PSD2: variants seen among roughly 807,000 people sequenced by gnomAD.
The protein encoded by PSD2 is PH and SEC7 domain-containing protein 2.
A neutral mutation model predicts 69.8 loss-of-function variants in PSD2; 38 were observed. The ratio of observed to expected loss-of-function variants is 0.54; its 90% CI spans 0.42 to 0.71. The LOEUF (loss-of-function observed/expected upper bound fraction) is 0.71. Ranked by LOEUF, PSD2 falls within the 30% of genes least tolerant of loss-of-function variation. The pLI, the probability that PSD2 is intolerant of heterozygous loss-of-function variation, is 0.00. For missense variants in PSD2, 943 were observed against 1,014.5 expected, an observed-to-expected ratio of 0.93 and a Z score of 0.96; for synonymous variants, 412 against 423.0, an observed-to-expected ratio of 0.97 and a Z score of 0.32.
At chr5:139,831,418 T>C (rs990607624) in intron 7 of PSD2, among the ~76,000 whole-genome samples, 2 of 152,250 alleles carry the variant, frequency 1.3e-5, no homozygotes, top group Non-Finnish European at 2.9e-5. Context: ...AGTTTAAGTA[T>C]ATCAAGTGAC....
the PSD2 span, among the ~76,000 whole-genome samples, chr5:139,787,669 C>A: frequency 0.21 from 31,858 of 152,202 alleles, 3,788 homozygotes; most frequent in African/African-American, 0.31. Flanking sequence ...CGTCGCTGGC[C>A]TTCCCAGGGC....
chr5:139,838,761 C>A lies in PSD2; in HGVS notation c.1957C>A (p.Arg653Ser), dbSNP rs758953794. Residue 653 changes from arginine (R) to serine (S), a missense_variant, in exon 13 of 15, where the codon CGC becomes AGC. Transcript: ENST00000274710. ...GCCCCTGCTGCCCTCCTGCACCACC[C>A]GCCTCTGCCAGGTACATGTTCCTGG... ...CRPLLPSCTT[R>S]LCQEEQLRSH... 12 of 1,612,530 alleles carry A rather than the reference C, an allele frequency of 7.4e-6. No individual in the cohort carries two copies. The highest frequency in any genetic ancestry group is 1.0e-5 in the Non-Finnish European group (12 of 1,179,366).
intron 2 of PSD2, among the ~76,000 whole-genome samples, chr5:139,810,020 G>A (rs1759920359): frequency 6.6e-6 from 1 of 151,996 alleles, no homozygotes; most frequent in South Asian, 2.1e-4. Context: ...GGGGCTGAAA[G>A]TTGTGCCATC....
intron 4 of PSD2, among the ~76,000 whole-genome samples, chr5:139,815,157 T>C (rs1939717579): frequency 1.3e-5 from 2 of 152,190 alleles, no homozygotes. Context: ...GCTCAGGTCC[T>C]GGATCCTCCT....
At chr5:139,830,345 C>CTTTTTTTT (rs755605094) in intron 7 of PSD2, among the ~76,000 whole-genome samples, 1 of 116,550 alleles carries the variant, frequency 8.6e-6, no homozygotes. Context: ...TGATAGTGTT[C>CTTTTTTTT]TTTTTTTTTT....
At chr5:139,834,938 CAT>C (rs142648416) in intron 8 of PSD2, among the ~76,000 whole-genome samples, 11 of 150,148 alleles carry the variant, frequency 7.3e-5, no homozygotes, top group African/African-American at 9.8e-5. Context: ...ACCCATCACC[CAT>C]ATATATATAT....
chr5:139,791,385 A>C (rs553485504), upstream of PSD2, among the ~76,000 whole-genome samples: 1 of 152,248 alleles, frequency 6.6e-6, no homozygotes, highest in South Asian at 2.1e-4. Context: ...ATCTGAGATC[A>C]TGCCACTGCA....
intron 1 of PSD2, among the ~76,000 whole-genome samples, chr5:139,797,747 T>G (rs1391922396): frequency 6.6e-6 from 1 of 152,194 alleles, no homozygotes; most frequent in African/African-American, 2.4e-5. Flanking sequence ...ATTCCCATTT[T>G]GTGGTAGAGC....
chr5:139,836,788 G>A (rs1760730983), intron 9 of PSD2, 23 bp from the exon 10 acceptor site: 1 of 1,606,360 alleles, frequency 6.2e-7, no homozygotes, highest in African/African-American at 1.3e-5. Context: ...TGGAGGTGGT[G>A]CTCAGGCCTA....
At chr5:139,834,803 T>A (rs1405604295) in intron 8 of PSD2, among the ~76,000 whole-genome samples, 1 of 151,938 alleles carries the variant, frequency 6.6e-6, no homozygotes, top group Non-Finnish European at 1.5e-5. Context: ...AGTCCCACTA[T>A]CCACCTATCC....
chr5:139,784,453 T>C, the PSD2 span, among the ~76,000 whole-genome samples: 1 of 152,090 alleles, frequency 6.6e-6, no homozygotes, highest in Non-Finnish European at 1.5e-5. Context: ...CCAATCTATC[T>C]CTAACACAGC....
At chr5:139,782,012 G>A in the PSD2 span, among the ~76,000 whole-genome samples, 1 of 152,156 alleles carries the variant, frequency 6.6e-6, no homozygotes, top group African/African-American at 2.4e-5. Context: ...ACCTGCCCAG[G>A]GGCCCGAGAA....
chr5:139,831,704 T>C (rs963748172), intron 7 of PSD2, among the ~76,000 whole-genome samples: 3 of 152,240 alleles, frequency 2.0e-5, no homozygotes, highest in Non-Finnish European at 2.9e-5. Context: ...ATTATATCTC[T>C]CTATATTTTA....
chr5:139,811,944 A>G (rs1759979189), intron 2 of PSD2, among the ~76,000 whole-genome samples: 1 of 151,902 alleles, frequency 6.6e-6, no homozygotes. Flanking sequence ...GTCCTCTCGT[A>G]TCCCTTTCCT....
At chr5:139,766,928 C>CTTTCTTTCTTT in the PSD2 span, among the ~76,000 whole-genome samples, 63 of 31,240 alleles carry the variant, frequency 2.0e-3, 7 homozygotes, top group South Asian at 4.2e-3. Flanking sequence ...TTCCTTCCTT[C>CTTTCTTTCTTT]CCTTCTTTCT....
At chr5:139,797,231 G>T (rs575394804) in intron 1 of PSD2, among the ~76,000 whole-genome samples, 3 of 152,212 alleles carry the variant, frequency 2.0e-5, no homozygotes, top group Non-Finnish European at 4.4e-5. Context: ...CAATATATGC[G>T]GGAAGCAGGG....
upstream of PSD2, among the ~76,000 whole-genome samples, chr5:139,794,051 A>G (rs567552756): frequency 6.6e-6 from 1 of 152,302 alleles, no homozygotes; most frequent in East Asian, 1.9e-4. Context: ...GGTAGAATGC[A>G]GGACAGCAGG....
chr5:139,815,246 C>T (rs1233224626), intron 4 of PSD2, among the ~76,000 whole-genome samples: 1 of 152,138 alleles, frequency 6.6e-6, no homozygotes, highest in Non-Finnish European at 1.5e-5. Flanking sequence ...ACCAGGTCCC[C>T]AACAACTGCG....
At chr5:139,790,951 C>G (rs116732553), upstream of PSD2, among the ~76,000 whole-genome samples, 6 of 151,726 alleles carry the variant, frequency 4.0e-5, no homozygotes, top group Admixed American at 3.9e-4. Flanking sequence ...CTCGGGAGAC[C>G]GAAGCAGGAA....
Sources: gnomAD v4.1 joint callset for allele counts (sites outside exome capture counted in the v4.1 genomes callset) on GRCh38, gnomAD v4.1.1 for gene constraint, MANE v1.5 for transcripts, NCBI Gene and HGNC (gene_info 2026-07-23, HGNC 2026-07-21) for gene names.